Variants in RAD52 observed in about 807,000 individuals in gnomAD.
RAD52 encodes DNA repair protein RAD52 homolog.
In RAD52, 47 loss-of-function variants were observed where a neutral mutation model predicts 55.5. That is an observed-to-expected ratio of 0.85 (90% CI 0.67 to 1.08). RAD52 has a LOEUF of 1.08. Among genes scored for constraint, RAD52 ranks in the 50% least tolerant of loss-of-function variants. RAD52 has a pLI of 0.00. For missense variants in RAD52, 468 were observed against 522.8 expected (o/e 0.90, Z 1.02); for synonymous variants, 184 against 198.9 (o/e 0.92, Z 0.63).
chr12:968,854 C>A (rs527630723), intron 1 of RAD52, among the ~76,000 whole-genome samples: 2 of 152,140 alleles, frequency 1.3e-5, no homozygotes, highest in African/African-American at 2.4e-5. Flanking sequence ...CTATGCTTCA[C>A]ACATAGTAGA....
In RAD52 at chr12:983,573, C is replaced by T. The variant is rs572668962; in HGVS notation, c.-19+6236G>A. 4.1e-4 allele frequency among the ~76,000 whole-genome samples: 62 copies of T among 152,178 alleles called. 1 individual carries two copies. Among genetic ancestry groups the T allele is most frequent in the African/African-American group, 1.4e-3 (60 of 41,520 alleles). ...TAGCTAGGATTACAGGTGCCCGCCA[C>T]CATGCCCAGCTAATTTTTGTATTTT... On this transcript the variant is annotated intron_variant, in intron 1 of 11. Coordinates refer to the RAD52 transcript ENST00000430095.
At chr12:971,441 T>G (rs1010365474) in intron 1 of RAD52, among the ~76,000 whole-genome samples, 1 of 152,062 alleles carries the variant, frequency 6.6e-6, no homozygotes, top group Non-Finnish European at 1.5e-5. Context: ...CGGAGGAAAA[T>G]AAGCAGCAGT....
chr12:926,793 T>C (rs1295920040), intron 6 of RAD52: 1 of 1,536,080 alleles, frequency 6.5e-7, no homozygotes, highest in Admixed American at 2.0e-5. Context: ...TTAACTATGC[T>C]ACCTGTGCGT....
chr12:949,039 G>A (rs1399271573), intron 1 of RAD52, among the ~76,000 whole-genome samples: 1 of 152,130 alleles, frequency 6.6e-6, no homozygotes, highest in African/African-American at 2.4e-5. Flanking sequence ...CTCAGCTAAA[G>A]TGAGCGTCAA....
intron 1 of RAD52, among the ~76,000 whole-genome samples, chr12:958,896 C>T (rs1243745784): frequency 6.6e-6 from 1 of 152,108 alleles, no homozygotes; most frequent in East Asian, 1.9e-4. Flanking sequence ...GGCCAGCTTC[C>T]AAATTTAGTC....
In RAD52 at chr12:918,022, G is replaced by A. The variant is rs529697525; in HGVS notation, c.544-1202C>T. The stretch of plus-strand genomic sequence containing the variant: ...AAGATACAGAACAATTGGAACTTAC[G>A]CAATGCCACGTGGGGTGTGAATTAA... On this transcript the variant is annotated intron_variant, in intron 7 of 11. Coordinates refer to ENST00000358495, the MANE Select transcript of RAD52 (RefSeq NM_134424.4). 8.5e-5 allele frequency among the ~76,000 whole-genome samples: 13 copies of A among 152,236 alleles called. No individual in the cohort carries two copies. The East Asian group carries it at 2.5e-3, about 29-fold the overall frequency.
chr12:914,479 G>C lies in RAD52; in HGVS notation c.919C>G (p.Pro307Ala), dbSNP rs764808300. The C allele has an allele frequency of 3.1e-6, 5 of 1,613,568 alleles. No homozygotes were observed. Among genetic ancestry groups the C allele is most frequent in the Middle Eastern group, 1.7e-4 (1 of 6,050 alleles). The change falls in exon 10 of 12, where the codon CCA (proline) becomes GCA (alanine). Residue 307 changes from proline to alanine, a missense_variant. Coordinates refer to ENST00000358495, the MANE Select transcript of RAD52 (RefSeq NM_134424.4). Reference protein sequence around the residue: ...THSTPVTVSEPLLEKDFLAGV... With the variant: ...THSTPVTVSEALLEKDFLAGV... ...GCAAGGAAGTCTTTCTCCAGGAGTG[G>C]TTCTGAGACAGTTACAGGAGTGCTG...
chr12:970,151 A>G (rs1958822365), intron 1 of RAD52, among the ~76,000 whole-genome samples: 1 of 152,024 alleles, frequency 6.6e-6, no homozygotes, highest in Non-Finnish European at 1.5e-5. Flanking sequence ...TACTAAAAAT[A>G]CAAAAATTAG....
intron 1 of RAD52, among the ~76,000 whole-genome samples, chr12:985,806 CTAATTTTTG>C (rs1959078438): frequency 6.6e-6 from 1 of 151,830 alleles, no homozygotes; most frequent in Admixed American, 6.6e-5. Context: ...CCACGCCCAA[CTAATTTTTG>C]TAATTTTTGT....
chr12:930,370 A>G (rs3748521), intron 3 of RAD52, among the ~76,000 whole-genome samples: 1 of 151,772 alleles, frequency 6.6e-6, no homozygotes, highest in East Asian at 1.9e-4. Flanking sequence ...CAGAGTGAGA[A>G]CCAGTCTGTT....
intron 1 of RAD52, among the ~76,000 whole-genome samples, chr12:968,814 G>T (rs532973386): frequency 7.0e-4 from 106 of 152,160 alleles, no homozygotes; most frequent in African/African-American, 2.4e-3. Flanking sequence ...AAGGCAAGGA[G>T]CTTGTCTACT....
intron 1 of RAD52, among the ~76,000 whole-genome samples, chr12:980,974 C>G (rs943293799): frequency 6.6e-6 from 1 of 152,130 alleles, no homozygotes; most frequent in African/African-American, 2.4e-5. Context: ...CTGATCCCAA[C>G]AGCCGCAAAA....
At chr12:928,093 CAAAT>C (rs1347774162) in intron 5 of RAD52, among the ~76,000 whole-genome samples, 1 of 152,134 alleles carries the variant, frequency 6.6e-6, no homozygotes, top group Admixed American at 6.6e-5. Context: ...AGAAAGCACT[CAAAT>C]AAATGAGTGA....
At chr12:952,667 G>C (rs906600825), upstream of RAD52, among the ~76,000 whole-genome samples, 1 of 151,144 alleles carries the variant, frequency 6.6e-6, no homozygotes. Flanking sequence ...CGAGAGGATC[G>C]CCTTGACCAG....
intron 1 of RAD52, chr12:975,115 G>A (rs1958918393): frequency 1.3e-5 from 2 of 151,524 alleles, no homozygotes; most frequent in South Asian, 4.2e-4. Flanking sequence ...GCCTAATTTA[G>A]AAATTAAACA....
intron 7 of RAD52, among the ~76,000 whole-genome samples, chr12:917,122 C>T (rs1446010664): frequency 2.0e-5 from 3 of 152,206 alleles, no homozygotes; most frequent in Non-Finnish European, 4.4e-5. Flanking sequence ...CCTTTTTCCA[C>T]GGAAATGAGC....
At chr12:982,040 G>A (rs1959023878) in intron 1 of RAD52, among the ~76,000 whole-genome samples, 2 of 152,168 alleles carry the variant, frequency 1.3e-5, no homozygotes, top group African/African-American at 2.4e-5. Flanking sequence ...CCCCAGACCT[G>A]TATCTTCTGG....
At chr12:956,918 A>C (rs114300515) in intron 1 of RAD52, among the ~76,000 whole-genome samples, 17 of 152,334 alleles carry the variant, frequency 1.1e-4, no homozygotes, top group African/African-American at 3.1e-4. Flanking sequence ...TAGATGAGTT[A>C]TAAGATTATA....
chr12:925,726 G>A (rs748728809), intron 6 of RAD52, among the ~76,000 whole-genome samples: 1 of 152,148 alleles, frequency 6.6e-6, no homozygotes, highest in Non-Finnish European at 1.5e-5. Flanking sequence ...CTGCAGTGAG[G>A]ACAAGACACA....
Sources: allele counts gnomAD v4.1 joint callset (sites outside exome capture counted in the v4.1 genomes callset), GRCh38; gene constraint gnomAD v4.1.1; transcripts MANE v1.5; gene names NCBI Gene and HGNC (gene_info 2026-07-23, HGNC 2026-07-21).